Variants in PEX14 observed in about 807,000 individuals in gnomAD.
The protein encoded by PEX14 is peroxisomal membrane protein PEX14.
PEX14 carries 15 observed loss-of-function variants against 49.5 expected under a neutral mutation model. The observed-to-expected ratio is 0.30, with a 90% confidence interval of 0.20 to 0.47. The LOEUF is 0.47. Ranked by LOEUF, PEX14 falls within the 20% of genes least tolerant of loss-of-function variation. PEX14 has a pLI of 1.00. For synonymous variants in PEX14, 210 were observed against 212.7 expected (o/e 0.99, Z 0.11); for missense variants, 398 against 494.8 (o/e 0.80, Z 1.86).
At chr1:10,594,281 C>T (rs1329631054) in intron 3 of PEX14, among the ~76,000 whole-genome samples, 1 of 152,164 alleles carries the variant, frequency 6.6e-6, no homozygotes, top group African/African-American at 2.4e-5. Context: ...GTCTTCTCTG[C>T]CTCATCTCCT....
At chr1:10,551,221 A>C (rs539723735) in intron 3 of PEX14, among the ~76,000 whole-genome samples, 24 of 152,324 alleles carry the variant, frequency 1.6e-4, no homozygotes, top group Non-Finnish European at 2.8e-4. Context: ...TCTGCAGCGG[A>C]ATCAGCTTTA....
chr1:10,496,121 G>A (rs2480788), intron 2 of PEX14, among the ~76,000 whole-genome samples: 10,725 of 152,212 alleles, frequency 0.07, 1,284 homozygotes, highest in African/African-American at 0.24. Context: ...TGGCAGTCGC[G>A]GGAGGAGATG....
intron 3 of PEX14, among the ~76,000 whole-genome samples, chr1:10,571,724 G>A (rs905322361): frequency 6.6e-6 from 1 of 152,070 alleles, no homozygotes; most frequent in Admixed American, 6.6e-5. Context: ...CAGGAGAATC[G>A]CTGGAACCTG....
chr1:10,511,669 G>A (rs993087485), intron 2 of PEX14, among the ~76,000 whole-genome samples: 6 of 152,026 alleles, frequency 3.9e-5, no homozygotes, highest in African/African-American at 1.2e-4. Flanking sequence ...TCCATAGACC[G>A]TGGGACTGTG....
chr1:10,592,517 C>A (rs1640699110), intron 3 of PEX14, among the ~76,000 whole-genome samples: 2 of 152,080 alleles, frequency 1.3e-5, no homozygotes, highest in South Asian at 4.1e-4. Context: ...ATTTGTGTTA[C>A]ATAGAGGGGC....
chr1:10,618,704 A>G (rs1356338647), intron 5 of PEX14, among the ~76,000 whole-genome samples: 1 of 152,196 alleles, frequency 6.6e-6, no homozygotes, highest in Non-Finnish European at 1.5e-5. Context: ...AGCCCATGTC[A>G]GGCACTTACA....
chr1:10,504,905 T>A (rs2506903), intron 2 of PEX14, among the ~76,000 whole-genome samples: 2 of 151,876 alleles, frequency 1.3e-5, no homozygotes, highest in Admixed American at 6.5e-5. Context: ...TCCTGCCTCC[T>A]CCTCAGTAGC....
At chr1:10,605,778 A>G (rs903452994) in intron 4 of PEX14, among the ~76,000 whole-genome samples, 6 of 152,144 alleles carry the variant, frequency 3.9e-5, no homozygotes, top group African/African-American at 1.4e-4. Context: ...TCTTTTTGCT[A>G]CCTGAAAGTT....
intron 3 of PEX14, among the ~76,000 whole-genome samples, chr1:10,559,655 G>A (rs997060720): frequency 6.6e-6 from 1 of 152,138 alleles, no homozygotes; most frequent in African/African-American, 2.4e-5. Flanking sequence ...TGAGTGGAAA[G>A]GGCAAGTTTT....
At position 10,623,033 on chromosome 1, in the gene PEX14, C is replaced by G. The variant is rs147609213; in HGVS notation, c.399C>G (p.Pro133=). 9 of 1,613,154 alleles carry G rather than the reference C, an allele frequency of 5.6e-6. No individual in the cohort carries two copies. In the African/African-American group the frequency reaches 9.3e-5, roughly 17 times the overall value. ...GCTTCTTGCAGAAATACCTGCTCCC[C>G]CTCATCCTGGGCGGCCGAGAGGACA... The part of the protein sequence containing the change: ...FHQLYKKYLL[P]LILGGREDRK... Residue 133 remains proline (P), a synonymous_variant, in exon 6 of 9, where the codon CCC becomes CCG. Transcript: ENST00000356607. The surrounding 1 kb of genome is among the most constrained non-coding windows in gnomAD (Gnocchi z 4.4).
intron 1 of PEX14, 52 bp downstream of exon 1, chr1:10,475,054 G>A (rs755486934): frequency 1.6e-4 from 255 of 1,551,678 alleles, no homozygotes; most frequent in Non-Finnish European, 2.1e-4. Flanking sequence ...GGCTGGAGGG[G>A]GCGCTCAGCA....
chr1:10,590,940 T>C (rs1439423856), intron 3 of PEX14, among the ~76,000 whole-genome samples: 1 of 152,200 alleles, frequency 6.6e-6, no homozygotes, highest in African/African-American at 2.4e-5. Flanking sequence ...CAAAGGAACA[T>C]TTATAGCATT....
In PEX14 at chr1:10,597,927, G is replaced by A. The variant is rs1184311842; in HGVS notation, c.170-1311G>A. ...AACTCATATGCCAGTATGGTGCAGG[G>A]CGGAGCTGTGCTTTAAAGCATTAAT... is the stretch of plus-strand genomic sequence containing the variant. On this transcript the variant is annotated intron_variant, in intron 3 of 8. Transcript: ENST00000356607. The surrounding 1 kb of genome is among the most constrained non-coding windows in gnomAD (Gnocchi z 5.7). Among the ~76,000 whole-genome samples the A allele has an allele frequency of 6.6e-6, 1 of 152,236 alleles. No individual in the cohort carries two copies. Among genetic ancestry groups the A allele is most frequent in the Non-Finnish European group, 1.5e-5 (1 of 68,040 alleles).
intron 4 of PEX14, among the ~76,000 whole-genome samples, chr1:10,611,793 C>T (rs1356404580): frequency 1.3e-5 from 2 of 152,232 alleles, no homozygotes; most frequent in African/African-American, 4.8e-5. Flanking sequence ...ATCTTTTGTA[C>T]AGAGTCTCTT....
At chr1:10,528,706 C>A (rs1638560705) in intron 2 of PEX14, among the ~76,000 whole-genome samples, 1 of 152,206 alleles carries the variant, frequency 6.6e-6, no homozygotes, top group African/African-American at 2.4e-5. Flanking sequence ...GAAGAAGGAG[C>A]AGTCAAGGAG....
intron 3 of PEX14, among the ~76,000 whole-genome samples, chr1:10,543,773 G>T (rs1639088457): frequency 1.3e-5 from 2 of 152,064 alleles, no homozygotes; most frequent in Non-Finnish European, 2.9e-5. Flanking sequence ...CACCTGGTGA[G>T]TTTTTTTGTA....
chr1:10,477,976 C>T (rs1257425264), intron 1 of PEX14, among the ~76,000 whole-genome samples: 1 of 152,104 alleles, frequency 6.6e-6, no homozygotes, highest in Non-Finnish European at 1.5e-5. Flanking sequence ...GCAACCTCCG[C>T]CTCCCAGGTT....
rs560545007 is a variant in PEX14 at position 10,538,496 on chromosome 1, G to A, written c.169+2199G>A. Among the ~76,000 whole-genome samples, 173 of 152,310 alleles carry A rather than the reference G, an allele frequency of 1.1e-3. No homozygotes were observed. In the Middle Eastern group the frequency reaches 0.024, roughly 21 times the overall value. Reference sequence around the variant, plus strand: ...CATCTCCATTATCCTCTAAAATGCTGCTTCAGTCAGTAATTATCCATTTCC... The same window carrying A: ...CATCTCCATTATCCTCTAAAATGCTACTTCAGTCAGTAATTATCCATTTCC... On this transcript the variant is annotated intron_variant, in intron 3 of 8. Coordinates refer to ENST00000356607, the MANE Select transcript of PEX14 (RefSeq NM_004565.3).
chr1:10,527,211 C>CAAAAAAAA (rs35749900), intron 2 of PEX14, among the ~76,000 whole-genome samples: 2 of 117,692 alleles, frequency 1.7e-5, no homozygotes, highest in Non-Finnish European at 3.4e-5. Flanking sequence ...GACTCTGTCT[C>CAAAAAAAA]AAAAAAAAAA....
Sources: gnomAD v4.1 joint callset for allele counts (sites outside exome capture counted in the v4.1 genomes callset) on GRCh38, gnomAD v4.1.1 for gene constraint, Gnocchi (gnomAD v3.1) non-coding constraint, MANE v1.5 for transcripts, NCBI Gene and HGNC (gene_info 2026-07-23, HGNC 2026-07-21) for gene names.